VCAN: variants seen among roughly 807,000 people sequenced by gnomAD.
VCAN encodes the protein versican, also known as versican core protein.
In VCAN, 44 loss-of-function variants were observed where a neutral mutation model predicts 245.5. That is an observed-to-expected ratio of 0.18 (90% CI 0.14 to 0.23). The LOEUF (loss-of-function observed/expected upper bound fraction) is 0.23, where lower values mean the gene tolerates loss of function less well. Among genes scored for constraint, VCAN ranks in the 10% least tolerant of loss-of-function variants. VCAN has a pLI of 1.00. For synonymous variants in VCAN, 1,413 were observed against 1,437.0 expected, an observed-to-expected ratio of 0.98 and a Z score of 0.38; for missense variants, 3,793 against 4,057.9, an observed-to-expected ratio of 0.93 and a Z score of 1.77.
rs576849344 is a variant in VCAN at position 83,542,541 on chromosome 5, T to C, written c.9265+273T>C. The stretch of plus-strand genomic sequence containing the variant: ...AACATGGAAAAGATGAAATTATTAA[T>C]GTTATAAAAATTCAATTTGTTTTTA... On this transcript the variant is annotated intron_variant, in intron 8 of 14. Coordinates refer to ENST00000265077, the MANE Select transcript of VCAN (RefSeq NM_004385.5). 2.0e-5 allele frequency among the ~76,000 whole-genome samples: 3 copies of C among 152,216 alleles called. No homozygotes were observed. In the South Asian group the frequency reaches 6.2e-4, roughly 32 times the overall value.
Position 83,540,544 on chromosome 5 carries a change from G to T in VCAN, c.7541G>T (p.Arg2514Met). The T allele has an allele frequency of 1.2e-6, 2 of 1,613,886 alleles. No individual in the cohort carries two copies. Among genetic ancestry groups the T allele is most frequent in the Non-Finnish European group, 1.7e-6 (2 of 1,179,936 alleles). Residue 2514 changes from arginine (R) to methionine (M), a missense_variant, in exon 8 of 15, where the codon AGG becomes ATG. This residue lies in a region of VCAN where 3,182 missense variants were observed against 3,250.3 expected (regional missense o/e 0.98). Transcript: ENST00000265077. ...CTGTCAAATACAGTGTCATATGAGA[G>T]GTCCACAGACGGTAGTTTCCAAGAC... is the stretch of plus-strand genomic sequence containing the variant. ...STLSNTVSYE[R>M]STDGSFQDRF... is the part of the protein sequence containing the mutation.
At chr5:83,555,987 C>A (rs1747652203) in intron 12 of VCAN, among the ~76,000 whole-genome samples, 1 of 152,074 alleles carries the variant, frequency 6.6e-6, no homozygotes, top group Non-Finnish European at 1.5e-5. Flanking sequence ...CATTATCTGC[C>A]ACTTGTTTGG....
intron 1 of VCAN, among the ~76,000 whole-genome samples, chr5:83,473,116 C>T (rs1223955792): frequency 6.6e-6 from 1 of 152,142 alleles, no homozygotes; most frequent in Non-Finnish European, 1.5e-5. Context: ...GTGCCGGGAG[C>T]CCCGGGGGAC....
chr5:83,547,047 C>T (rs1056055905), intron 9 of VCAN, among the ~76,000 whole-genome samples: 1 of 152,020 alleles, frequency 6.6e-6, no homozygotes, highest in Non-Finnish European at 1.5e-5. Flanking sequence ...ACACAACAAA[C>T]AAAAGCACAG....
chr5:83,476,692 C>CGT lies in VCAN; in HGVS notation c.-7+4680_-7+4681dup, dbSNP rs550135081. Among the ~76,000 whole-genome samples the CGT allele has an allele frequency of 2.2e-4, 34 of 151,480 alleles. No individual in the cohort carries two copies. The South Asian group carries it at 2.9e-3, about 13-fold the overall frequency. ...AAAGTCTGTGTGTGTGTGGGGGGTG[C>CGT]GTGTGTGTGTGTATGTATACAGGGT... On this transcript the variant is annotated intron_variant, in intron 1 of 14. Coordinates refer to ENST00000265077, the MANE Select transcript of VCAN (RefSeq NM_004385.5).
intron 12 of VCAN, among the ~76,000 whole-genome samples, chr5:83,569,638 A>ATGAG (rs1344507955): frequency 6.6e-6 from 1 of 152,182 alleles, no homozygotes; most frequent in East Asian, 1.9e-4. Context: ...GGGACAAAAA[A>ATGAG]TGAGAGAGTA....
At chr5:83,480,063 G>A (rs1744560152) in intron 1 of VCAN, among the ~76,000 whole-genome samples, 1 of 152,124 alleles carries the variant, frequency 6.6e-6, no homozygotes, top group African/African-American at 2.4e-5. Context: ...TAGACCTTCT[G>A]ATTTTTTGAA....
In VCAN at chr5:83,539,943, C is replaced by G; in HGVS notation, c.6940C>G (p.Leu2314Val). ...MENVAKEVGPLVSQTDIFEGS... is the reference protein window; with the variant it reads ...MENVAKEVGPVVSQTDIFEGS... ...AAATGTGGCAAAAGAAGTTGGACCA[C>G]TCGTATCTCAAACAGACATCTTTGA... Residue 2314 changes from leucine to valine, a missense_variant, in exon 8 of 15, where the codon CTC becomes GTC. By Grantham distance (32) the Leu-to-Val change is conservative. Transcript: ENST00000265077. 1 of 1,614,120 alleles carries G rather than the reference C, an allele frequency of 6.2e-7. No individual in the cohort carries two copies. Among genetic ancestry groups the G allele is most frequent in the Non-Finnish European group, 8.5e-7 (1 of 1,179,994 alleles).
chr5:83,499,666 GC>G (rs1561232950), intron 5 of VCAN, among the ~76,000 whole-genome samples: 1 of 151,596 alleles, frequency 6.6e-6, no homozygotes, highest in African/African-American at 2.4e-5. Flanking sequence ...CTCCTTTCTG[GC>G]CTCTCATGGT....
intron 12 of VCAN, among the ~76,000 whole-genome samples, chr5:83,564,524 C>T (rs1748000451): frequency 6.6e-6 from 1 of 152,140 alleles, no homozygotes. Context: ...CACATGTAGT[C>T]AAATACTTAG....
intron 13 of VCAN, among the ~76,000 whole-genome samples, chr5:83,576,479 A>G (rs1024111376): frequency 1.3e-5 from 2 of 152,074 alleles, no homozygotes; most frequent in Non-Finnish European, 2.9e-5. Context: ...CTGTCAGTGG[A>G]CGCTTGAGTC....
chr5:83,569,893 A>G (rs548254211), intron 12 of VCAN, among the ~76,000 whole-genome samples: 2 of 152,254 alleles, frequency 1.3e-5, no homozygotes, highest in African/African-American at 4.8e-5. Flanking sequence ...CTCATTCATT[A>G]CAAACAACTT....
chr5:83,550,850 G>A (rs1169731904), intron 10 of VCAN, among the ~76,000 whole-genome samples: 9 of 120,988 alleles, frequency 7.4e-5, no homozygotes, highest in Admixed American at 5.7e-4. Context: ...TCATGCCACC[G>A]CACTCCAGCC....
rs895537425 is a variant in VCAN at position 83,473,722 on chromosome 5, C to A, written c.-7+1699C>A. ...TTGGGAGTTTTGCGGCGGGTGTGGG[C>A]GCCCCCTGATGGAGAAGTCCCGCAC... is the stretch of plus-strand genomic sequence containing the variant. On this transcript the variant is annotated intron_variant, in intron 1 of 14. Transcript: ENST00000265077. Among the ~76,000 whole-genome samples, 4 of 151,994 alleles carry A rather than the reference C, an allele frequency of 2.6e-5. 1 individual carries two copies. The South Asian group carries it at 8.3e-4, about 32-fold the overall frequency.
rs199694481 is a variant in VCAN, at chr5:83,520,486, C to G, written c.2180C>G (p.Ser727Cys). 66 of 1,613,898 alleles carry G rather than the reference C, an allele frequency of 4.1e-5. No individual in the cohort carries two copies. Among genetic ancestry groups the G allele is most frequent in the Non-Finnish European group, 5.2e-5 (61 of 1,179,966 alleles). ...GAAGTCTTCTCTGGGATGAAACTCT[C>G]TACATCTCTCTCAGAGCCAATTCAT... ...EEEVFSGMKL[S>C]TSLSEPIHVT... Residue 727 changes from serine to cysteine, a missense_variant, in exon 7 of 15, where the codon TCT (serine) becomes TGT (cysteine). Ser to Cys is a moderately radical substitution (Grantham distance 112, BLOSUM62 -1). Coordinates refer to ENST00000265077, the MANE Select transcript of VCAN (RefSeq NM_004385.5).
intron 6 of VCAN, 30 bp from the exon 7 acceptor site, chr5:83,519,319 C>T: frequency 1.2e-6 from 2 of 1,611,426 alleles, no homozygotes; most frequent in Non-Finnish European, 1.7e-6. Flanking sequence ...AGTGACTTGT[C>T]TAATCAACTC....
intron 7 of VCAN, among the ~76,000 whole-genome samples, chr5:83,529,336 GAA>G (rs56718452): frequency 0.072 from 7,576 of 105,322 alleles, 360 homozygotes; most frequent in East Asian, 0.18. Context: ...AAGAATATTT[GAA>G]AAAAAAAAAA....
Position 83,483,498 on chromosome 5 carries a change from T to C in VCAN, c.-6-15T>C. 3 of 1,609,688 alleles carry C rather than the reference T, an allele frequency of 1.9e-6. No homozygotes were observed. Among genetic ancestry groups the C allele is most frequent in the Non-Finnish European group, 1.7e-6 (2 of 1,176,316 alleles). On this transcript the variant is annotated splice_polypyrimidine_tract_variant and intron_variant, in intron 1 of 14. Transcript: ENST00000265077. ...GAATGCTTGTGATTTACTTTGTGTT[T>C]TTCTTCATTTCTAGGCCAAGATGTT...
intron 12 of VCAN, chr5:83,562,183 T>C (rs898184667): frequency 1.4e-4 from 21 of 152,190 alleles, no homozygotes; most frequent in African/African-American, 5.1e-4. Flanking sequence ...TCACAGGCTT[T>C]ATTGTATTAA....
Sources: allele counts gnomAD v4.1 joint callset (sites outside exome capture counted in the v4.1 genomes callset), GRCh38; gene constraint gnomAD v4.1.1; regional missense constraint gnomAD v4.1.1; transcripts MANE v1.5; gene names NCBI Gene and HGNC (gene_info 2026-07-23, HGNC 2026-07-21).